Variants in WNK2 observed in about 807,000 individuals in gnomAD.
WNK2 encodes the protein serine/threonine-protein kinase WNK2.
Under a neutral mutation model 192.1 loss-of-function variants are expected in WNK2, and 67 were observed. The ratio of observed to expected loss-of-function variants is 0.35; its 90% CI spans 0.29 to 0.43. The LOEUF (loss-of-function observed/expected upper bound fraction) is 0.43, where lower values mean the gene tolerates loss of function less well. WNK2 is among the 20% of genes least tolerant of loss of function. The pLI is 1.00. For missense variants in WNK2, 2,698 were observed against 3,089.7 expected (o/e 0.87, Z 3.01); for synonymous variants, 1,439 against 1,393.9 (o/e 1.03, Z -0.72).
intron 5 of WNK2, among the ~76,000 whole-genome samples, chr9:93,236,658 A>C (rs1839865054): frequency 6.6e-6 from 1 of 152,202 alleles, no homozygotes; most frequent in African/African-American, 2.4e-5. Flanking sequence ...TGCTCCCTTC[A>C]TGCACAGCCA....
intron 5 of WNK2, among the ~76,000 whole-genome samples, chr9:93,237,871 T>G (rs1588104974): frequency 1.3e-5 from 2 of 149,656 alleles, no homozygotes; most frequent in South Asian, 4.3e-4. Flanking sequence ...TTTTTTTTTT[T>G]GCTGTATGTT....
At chr9:93,317,095 C>T in intron 28 of WNK2, 1 of 250,766 alleles carries the variant, frequency 4.0e-6, no homozygotes, top group Non-Finnish European at 7.8e-6. Flanking sequence ...TGCACACTTG[C>T]TTTGCCCAGG....
At chr9:93,292,208 A>T (rs1327282760) in intron 21 of WNK2, 100 bp from the exon 22 acceptor site, 1 of 1,227,018 alleles carries the variant, frequency 8.1e-7, no homozygotes, top group African/African-American at 1.5e-5. Context: ...GTCTGGAGGC[A>T]CTCCCATGGG....
intron 2 of WNK2, among the ~76,000 whole-genome samples, chr9:93,197,561 C>G (rs567940718): frequency 6.6e-6 from 1 of 152,232 alleles, no homozygotes; most frequent in Non-Finnish European, 1.5e-5. Context: ...GAGTCTTGCT[C>G]TGTCTCCTAG....
intron 2 of WNK2, among the ~76,000 whole-genome samples, chr9:93,218,277 A>C (rs967009749): frequency 1.3e-5 from 2 of 152,106 alleles, no homozygotes; most frequent in Non-Finnish European, 2.9e-5. Context: ...GCTGTTCTTG[A>C]TGGTGGAGCT....
At chr9:93,189,138 G>T (rs1829873758) in intron 2 of WNK2, among the ~76,000 whole-genome samples, 1 of 152,136 alleles carries the variant, frequency 6.6e-6, no homozygotes, top group African/African-American at 2.4e-5. Flanking sequence ...TGTTTCTGCT[G>T]TGTCTCCCTT....
chr9:93,306,531 C>T (rs996768132), intron 26 of WNK2: 2 of 509,652 alleles, frequency 3.9e-6, no homozygotes, highest in South Asian at 7.0e-5. Flanking sequence ...GAGACAAACA[C>T]TTCTCCCTGA....
chr9:93,240,174 G>T (rs1318913672), intron 7 of WNK2, among the ~76,000 whole-genome samples, 198 bp downstream of exon 7: 1 of 152,188 alleles, frequency 6.6e-6, no homozygotes, highest in African/African-American at 2.4e-5. Context: ...CTGCACAGGG[G>T]TGGCCTAAGT....
intron 19 of WNK2, among the ~76,000 whole-genome samples, chr9:93,274,131 A>G (rs1346406265): frequency 1.3e-5 from 2 of 152,230 alleles, no homozygotes; most frequent in African/African-American, 4.8e-5. Flanking sequence ...CAAAAATCAC[A>G]GGCAAAAACC....
chr9:93,258,801 G>A (rs1315526350), intron 11 of WNK2, 130 bp from the exon 12 acceptor site: 1 of 771,670 alleles, frequency 1.3e-6, no homozygotes, highest in Admixed American at 2.8e-5. Context: ...GTGTCTCGGA[G>A]GGAAAGGGTC....
intron 2 of WNK2, among the ~76,000 whole-genome samples, chr9:93,205,177 C>A (rs994431447): frequency 6.6e-6 from 1 of 152,172 alleles, no homozygotes; most frequent in East Asian, 1.9e-4. Context: ...ATTTGTAGAC[C>A]AATGTTACCG....
intron 2 of WNK2, among the ~76,000 whole-genome samples, chr9:93,208,001 G>A (rs1428551917): frequency 6.6e-6 from 1 of 152,198 alleles, no homozygotes; most frequent in African/African-American, 2.4e-5. Flanking sequence ...CAGGGGCTTT[G>A]TGACTGCCCT....
intron 2 of WNK2, among the ~76,000 whole-genome samples, chr9:93,208,620 T>C (rs940054044): frequency 2.2e-5 from 2 of 90,054 alleles, no homozygotes; most frequent in African/African-American, 7.6e-5. Flanking sequence ...GTTCTGCACA[T>C]GTACGTGTTC....
intron 7 of WNK2, among the ~76,000 whole-genome samples, chr9:93,242,671 G>A (rs1053921175): frequency 6.6e-6 from 1 of 152,254 alleles, no homozygotes; most frequent in Non-Finnish European, 1.5e-5. Context: ...GCACCTGGCT[G>A]GCCGCTCAGT....
chr9:93,230,530 AC>A (rs1161675919), intron 3 of WNK2, among the ~76,000 whole-genome samples: 1 of 151,732 alleles, frequency 6.6e-6, no homozygotes, highest in Non-Finnish European at 1.5e-5. Flanking sequence ...CGTAACCCTC[AC>A]CCCCTCACCT....
rs1441015221 is a variant in WNK2, at chr9:93,309,221, A to G, written c.6516+637A>G. 5.1e-6 allele frequency: 4 copies of G among 777,008 alleles called. No homozygotes were observed. In the African/African-American group the frequency reaches 5.7e-5, roughly 11 times the overall value. 48.1% of individuals were successfully genotyped at this position (777,008 alleles called of 1,614,324 possible). On this transcript the variant is annotated intron_variant, in intron 28 of 29. Coordinates refer to ENST00000427277, the MANE Select transcript of WNK2 (RefSeq NM_006648.4). ...ATCTGGGCTGGAGTTTTGTTTTTGT[A>G]TTTTTTAGCGTGGGATACTTTCCTC... is the stretch of plus-strand genomic sequence containing the variant.
chr9:93,318,232 G>A, intron 29 of WNK2: 1 of 1,486,800 alleles, frequency 6.7e-7, no homozygotes, highest in Non-Finnish European at 8.9e-7. Flanking sequence ...ACTGTTTTAA[G>A]TTGCAGAGAT....
At chr9:93,245,100 G>A (rs533976885) in intron 7 of WNK2, among the ~76,000 whole-genome samples, 3 of 150,980 alleles carry the variant, frequency 2.0e-5, no homozygotes, top group African/African-American at 7.3e-5. Flanking sequence ...ATCATTCTGT[G>A]GAAAAAAATT....
At chr9:93,280,059 C>T (rs1029678198) in intron 19 of WNK2, among the ~76,000 whole-genome samples, 4 of 152,100 alleles carry the variant, frequency 2.6e-5, no homozygotes, top group Non-Finnish European at 5.9e-5. Flanking sequence ...AAACTGAATT[C>T]GTCAAAGTTT....
Sources: allele counts gnomAD v4.1 joint callset (sites outside exome capture counted in the v4.1 genomes callset), GRCh38; gene constraint gnomAD v4.1.1; transcripts MANE v1.5; gene names NCBI Gene and HGNC (gene_info 2026-07-23, HGNC 2026-07-21).